CENPN: variants seen among roughly 807,000 people sequenced by gnomAD.
CENPN encodes interphase centromere complex protein 32.
In CENPN, 36 loss-of-function variants were observed where a neutral mutation model predicts 48.6. The ratio of observed to expected loss-of-function variants is 0.74; its 90% CI spans 0.57 to 0.98. CENPN has a LOEUF of 0.98. CENPN is among the 50% of genes least tolerant of loss of function. CENPN has a pLI of 0.00. For synonymous variants in CENPN, 166 were observed against 135.2 expected, an observed-to-expected ratio of 1.23 and a Z score of -1.58; for missense variants, 439 against 399.2, an observed-to-expected ratio of 1.10 and a Z score of -0.85.
Position 81,029,958 on chromosome 16 carries a change from C to T in CENPN, c.*1307C>T, listed in dbSNP as rs965489754. On this transcript the variant is annotated 3_prime_UTR_variant, in exon 11 of 11. Transcript: ENST00000305850. ...GCACATTTCCACGTGGCCAGGGAGG[C>T]CTCACAATCATGGTGGAAGGCAAAT... Among the ~76,000 whole-genome samples, 1 of 152,200 alleles carries T rather than the reference C, an allele frequency of 6.6e-6. No homozygotes were observed. The highest frequency in any genetic ancestry group is 6.5e-5 in the Admixed American group (1 of 15,282).
chr16:81,015,989 G>A lies in CENPN; in HGVS notation c.218-1337G>A, dbSNP rs140885551. Among the ~76,000 whole-genome samples, 440 of 150,272 alleles carry A rather than the reference G, an allele frequency of 2.9e-3. 4 individuals carry two copies. Among genetic ancestry groups the A allele is most frequent in the African/African-American group, 0.01 (413 of 40,940 alleles). On this transcript the variant is annotated intron_variant, in intron 3 of 10. Coordinates refer to ENST00000305850, the MANE Select transcript of CENPN (RefSeq NM_001100624.3). ...CACTGCACTCCAGCCTGGCGACACC[G>A]TGAGACTCTGTCTCAAAAAAAAAAA...
intron 7 of CENPN, chr16:81,022,990 C>T (rs1441292919): frequency 2.3e-5 from 23 of 979,688 alleles, no homozygotes; most frequent in Non-Finnish European, 3.4e-5. Flanking sequence ...TTTAGAGAAA[C>T]TTCACATTAT....
intron 1 of CENPN, among the ~76,000 whole-genome samples, chr16:81,008,121 A>G (rs1969541390): frequency 6.6e-6 from 1 of 152,142 alleles, no homozygotes; most frequent in African/African-American, 2.4e-5. Flanking sequence ...ACAACAAAAA[A>G]AGGAAAGTTT....
chr16:81,024,645 C>A (rs768286557), intron 7 of CENPN, 70 bp from the exon 8 acceptor site: 1 of 1,026,562 alleles, frequency 9.7e-7, no homozygotes, highest in Non-Finnish European at 1.4e-6. Flanking sequence ...CTTTAATATA[C>A]TAAAAAAAAA....
At chr16:81,032,619 T>G (rs201374097), downstream of CENPN, 8 of 1,613,832 alleles carry the variant, frequency 5.0e-6, no homozygotes, top group Non-Finnish European at 6.8e-6. Context: ...GAAGCCACAG[T>G]CAAGGGACCC....
chr16:81,017,668 A>G, intron 4 of CENPN, 90 bp from the exon 5 acceptor site: 1 of 903,080 alleles, frequency 1.1e-6, no homozygotes, highest in Non-Finnish European at 1.8e-6. Context: ...AATTATACAA[A>G]ATGCTTAGTT....
chr16:81,027,210 G>A (rs1219944166), intron 9 of CENPN, among the ~76,000 whole-genome samples: 2 of 152,166 alleles, frequency 1.3e-5, no homozygotes, highest in South Asian at 2.1e-4. Flanking sequence ...AGATATCTCA[G>A]TTGGGCACAG....
intron 1 of CENPN, among the ~76,000 whole-genome samples, chr16:81,010,419 C>T (rs1309625173): frequency 6.6e-6 from 1 of 152,152 alleles, no homozygotes; most frequent in Admixed American, 6.5e-5. Flanking sequence ...GATTATATCC[C>T]TTGCCTATTG....
downstream of CENPN, among the ~76,000 whole-genome samples, chr16:81,032,166 T>A (rs937634129): frequency 6.6e-6 from 1 of 152,180 alleles, no homozygotes. Flanking sequence ...AGCTTCTTAC[T>A]AAAAGAAACA....
At chr16:81,013,912 T>C (rs558335764) in intron 2 of CENPN, among the ~76,000 whole-genome samples, 14 of 152,292 alleles carry the variant, frequency 9.2e-5, no homozygotes, top group Non-Finnish European at 1.3e-4. Flanking sequence ...ATCAAAAAGT[T>C]AAAAGTGATA....
chr16:81,012,154 C>G (rs377633209), intron 2 of CENPN, 44 bp downstream of exon 2: 5 of 1,565,124 alleles, frequency 3.2e-6, no homozygotes, highest in Non-Finnish European at 4.4e-6. Context: ...AGTGCTACCC[C>G]CTTGGGTTTT....
chr16:81,014,053 C>A (rs1969844056), intron 2 of CENPN, 83 bp from the exon 3 acceptor site: 1 of 1,140,178 alleles, frequency 8.8e-7, no homozygotes, highest in Non-Finnish European at 1.3e-6. Flanking sequence ...ATAGTCTGTT[C>A]TAACCAATCC....
intron 2 of CENPN, 142 bp downstream of exon 2, chr16:81,012,252 G>C: frequency 3.9e-6 from 2 of 517,854 alleles, no homozygotes; most frequent in Non-Finnish European, 6.2e-6. Context: ...AACTGCAGTG[G>C]AAAAAAACCT....
Position 81,011,950 on chromosome 16 carries a change from C to T in CENPN, c.11C>T (p.Thr4Ile). 1 of 1,613,936 alleles carries T rather than the reference C, an allele frequency of 6.2e-7. No homozygotes were observed. The highest frequency in any genetic ancestry group is 8.5e-7 in the Non-Finnish European group (1 of 1,179,810). The stretch of plus-strand genomic sequence containing the variant: ...AAAAGTGCCAAAGAGATGGATGAGA[C>T]TGTTGCTGAGTTCATCAAGAGGACC... MDETVAEFIKRTIL... is the reference protein window; with the variant it reads MDEIVAEFIKRTIL... The change falls in exon 2 of 11, where the codon ACT (threonine) becomes ATT (isoleucine). Residue 4 changes from threonine (T) to isoleucine (I), a missense_variant. Transcript: ENST00000305850.
chr16:81,023,887 T>G (rs1018875002), intron 7 of CENPN: 2 of 152,184 alleles, frequency 1.3e-5, no homozygotes, highest in Non-Finnish European at 2.9e-5. Context: ...AAGACCATCC[T>G]TGCTAACACG....
Position 81,030,178 on chromosome 16 carries a change from C to A in CENPN, c.*1527C>A. The A allele has an allele frequency of 1.0e-6, 1 of 984,742 alleles. No homozygotes were observed. 61.0% of individuals were successfully genotyped at this position (984,742 alleles called of 1,614,324 possible). ...TGGGGGTTATTACAATTCAAGGTGA[C>A]ACTTGTGTGGAGACACAGCCAAACC... On this transcript the variant is annotated 3_prime_UTR_variant, in exon 11 of 11. Transcript: ENST00000305850.
intron 6 of CENPN, among the ~76,000 whole-genome samples, chr16:81,021,892 C>T (rs1434188716): frequency 1.3e-5 from 2 of 151,996 alleles, no homozygotes; most frequent in South Asian, 2.1e-4. Flanking sequence ...GTAGCTGGGA[C>T]TACAAGCACT....
At chr16:81,016,595 C>A (rs558260895) in intron 3 of CENPN, among the ~76,000 whole-genome samples, 1 of 152,264 alleles carries the variant, frequency 6.6e-6, no homozygotes, top group African/African-American at 2.4e-5. Context: ...AACCTCATGT[C>A]TACTAAAAAT....
chr16:81,007,826 G>C (rs1162366735), intron 1 of CENPN, among the ~76,000 whole-genome samples: 1 of 152,160 alleles, frequency 6.6e-6, no homozygotes, highest in African/African-American at 2.4e-5. Flanking sequence ...TTAAAATGGG[G>C]CCAGGCGCGG....
Sources: allele counts gnomAD v4.1 joint callset (sites outside exome capture counted in the v4.1 genomes callset), GRCh38; gene constraint gnomAD v4.1.1; transcripts MANE v1.5; gene names NCBI Gene and HGNC (gene_info 2026-07-23, HGNC 2026-07-21).